The following MAF variants were observed in gnomAD, a reference collection of about 807,000 sequenced individuals.
MAF encodes the protein MAF bZIP transcription factor, also known as transcription factor Maf.
In MAF, 10 loss-of-function variants were observed where a neutral mutation model predicts 22.0. The ratio of observed to expected loss-of-function variants is 0.45; its 90% CI spans 0.28 to 0.77. The LOEUF is 0.77. MAF is among the 30% of genes least tolerant of loss of function. MAF has a pLI of 0.12. For missense variants in MAF, 544 were observed against 548.4 expected (o/e 0.99, Z 0.08); for synonymous variants, 337 against 255.8 (o/e 1.32, Z -3.03).
At chr16:79,298,448 A>T in the MAF span, among the ~76,000 whole-genome samples, 234 of 152,340 alleles carry the variant, frequency 1.5e-3, 2 homozygotes, top group African/African-American at 5.5e-3. Flanking sequence ...CCCTTGGCCA[A>T]TCTGAGGACT....
the MAF span, among the ~76,000 whole-genome samples, chr16:79,394,087 C>T: frequency 6.6e-6 from 1 of 152,290 alleles, no homozygotes; most frequent in East Asian, 1.9e-4. Context: ...ACGTTCTTCA[C>T]CGTCATTCTC....
chr16:79,304,825 G>T, the MAF span, among the ~76,000 whole-genome samples: 1 of 152,186 alleles, frequency 6.6e-6, no homozygotes, highest in African/African-American at 2.4e-5. Flanking sequence ...GTTAATAAAT[G>T]TGAGTTGCGT....
chr16:79,319,778 T>C, the MAF span, among the ~76,000 whole-genome samples: 4 of 152,340 alleles, frequency 2.6e-5, no homozygotes, highest in Admixed American at 6.5e-5. Context: ...TCTGCTTTCC[T>C]GGAGTTTATA....
chr16:79,496,987 A>C, the MAF span, among the ~76,000 whole-genome samples: 1 of 152,200 alleles, frequency 6.6e-6, no homozygotes, highest in Non-Finnish European at 1.5e-5. Flanking sequence ...CAGAAACTTA[A>C]GTGAGTGTAA....
the MAF span, among the ~76,000 whole-genome samples, chr16:79,406,832 C>T: frequency 1.8e-4 from 28 of 152,302 alleles, no homozygotes; most frequent in African/African-American, 5.5e-4. Context: ...GGCAGAGCCG[C>T]TTCCTGCCCT....
chr16:79,599,467 C>A lies in MAF; in HGVS notation c.436G>T (p.Ala146Ser), dbSNP rs1297043276. ...CCGCTGCCGCCCAAGGAGGCGCCGG[C>A]ACCGGCCCCGGCCGCCGCGGCCAGC... The part of the protein sequence containing the change: ...QQLAAAAGAG[A>S]GASLGGSGEE... The change falls in exon 1 of 2, where the codon GCC (alanine) becomes TCC (serine). Residue 146 changes from alanine (A) to serine (S), a missense_variant. Physicochemically the swap from Ala to Ser is moderately conservative, Grantham distance 99 (BLOSUM62 1). Transcript: ENST00000326043. 7.3e-7 allele frequency: 1 copy of A among 1,362,678 alleles called. No homozygotes were observed. The highest frequency in any genetic ancestry group is 3.0e-5 in the East Asian group (1 of 33,162). 84.4% of individuals were successfully genotyped at this position (1,362,678 alleles called of 1,614,324 possible).
At chr16:79,527,023 G>C in the MAF span, among the ~76,000 whole-genome samples, 2 of 152,256 alleles carry the variant, frequency 1.3e-5, 1 homozygote, top group African/African-American at 4.8e-5. Flanking sequence ...AAATTTGACA[G>C]GGGCCTCTTG....
At chr16:79,501,671 G>A in the MAF span, among the ~76,000 whole-genome samples, 1 of 152,132 alleles carries the variant, frequency 6.6e-6, no homozygotes, top group African/African-American at 2.4e-5. Flanking sequence ...TCAAACAACT[G>A]AAGTTATTTC....
At chr16:79,406,991 G>A in the MAF span, among the ~76,000 whole-genome samples, 1 of 152,160 alleles carries the variant, frequency 6.6e-6, no homozygotes, top group African/African-American at 2.4e-5. Flanking sequence ...AGGGACAGTA[G>A]GCTGCCGGCG....
At chr16:79,385,883 G>A in the MAF span, among the ~76,000 whole-genome samples, 1 of 152,060 alleles carries the variant, frequency 6.6e-6, no homozygotes, top group Non-Finnish European at 1.5e-5. Flanking sequence ...CTCCCACCTG[G>A]GCTAAAGAGA....
the MAF span, among the ~76,000 whole-genome samples, chr16:79,273,741 G>A: frequency 6.6e-6 from 1 of 152,116 alleles, no homozygotes; most frequent in African/African-American, 2.4e-5. Flanking sequence ...CACCCAGATA[G>A]TCCAGGGTAT....
chr16:79,440,230 G>A, the MAF span, among the ~76,000 whole-genome samples: 1 of 152,212 alleles, frequency 6.6e-6, no homozygotes, highest in South Asian at 2.1e-4. Context: ...CCCTGGCTTT[G>A]CAGCTGTCTT....
the MAF span, among the ~76,000 whole-genome samples, chr16:79,302,262 C>G: frequency 6.6e-6 from 1 of 152,208 alleles, no homozygotes; most frequent in Non-Finnish European, 1.5e-5. Flanking sequence ...CACAAAGACA[C>G]TGGATTACGT....
chr16:79,475,546 G>C, the MAF span, among the ~76,000 whole-genome samples: 1 of 152,026 alleles, frequency 6.6e-6, no homozygotes, highest in African/African-American at 2.4e-5. Context: ...CCATCTGTCT[G>C]TCTGTCTATA....
chr16:79,249,301 C>A, the MAF span, among the ~76,000 whole-genome samples: 1 of 151,972 alleles, frequency 6.6e-6, no homozygotes, highest in Non-Finnish European at 1.5e-5. Context: ...TGCCTGTTAT[C>A]CCAGCTACTT....
the MAF span, among the ~76,000 whole-genome samples, chr16:79,450,575 T>C: frequency 6.6e-6 from 1 of 152,142 alleles, no homozygotes; most frequent in Non-Finnish European, 1.5e-5. Context: ...CAAGAAGATA[T>C]TGTATTGTGA....
At chr16:79,315,058 T>C in the MAF span, among the ~76,000 whole-genome samples, 13 of 152,250 alleles carry the variant, frequency 8.5e-5, no homozygotes, top group Non-Finnish European at 1.5e-5. Context: ...TTGTCTGCTA[T>C]ATTATTAATT....
At chr16:79,528,082 C>A in the MAF span, among the ~76,000 whole-genome samples, 1 of 152,148 alleles carries the variant, frequency 6.6e-6, no homozygotes, top group Non-Finnish European at 1.5e-5. Context: ...GTGGAGGTTG[C>A]AGTGAGCCTA....
At chr16:79,324,976 G>A in the MAF span, among the ~76,000 whole-genome samples, 2 of 152,068 alleles carry the variant, frequency 1.3e-5, no homozygotes, top group African/African-American at 4.8e-5. Context: ...TTATAGACAC[G>A]TGCTCCAATC....
Sources: allele counts gnomAD v4.1 joint callset (sites outside exome capture counted in the v4.1 genomes callset), GRCh38; gene constraint gnomAD v4.1.1; transcripts MANE v1.5; gene names NCBI Gene and HGNC (gene_info 2026-07-23, HGNC 2026-07-21).